Variants in RAF1 observed in about 807,000 individuals in gnomAD.
RAF1 encodes the protein RAF proto-oncogene serine/threonine-protein kinase.
RAF1 carries 27 observed loss-of-function variants against 81.1 expected under a neutral mutation model. The ratio of observed to expected loss-of-function variants is 0.33; its 90% CI spans 0.25 to 0.46. The LOEUF (loss-of-function observed/expected upper bound fraction) is 0.46, where lower values mean the gene tolerates loss of function less well. Among genes scored for constraint, RAF1 ranks in the 20% least tolerant of loss-of-function variants. RAF1 has a pLI of 1.00. For missense variants in RAF1, 598 were observed against 826.0 expected, an observed-to-expected ratio of 0.72 and a Z score of 3.38; for synonymous variants, 298 against 294.0, an observed-to-expected ratio of 1.01 and a Z score of -0.14.
chr3:12,593,903 T>G (rs1463087280), intron 11 of RAF1, among the ~76,000 whole-genome samples: 1 of 150,834 alleles, frequency 6.6e-6, no homozygotes, highest in Non-Finnish European at 1.5e-5. Flanking sequence ...CAGCTGGGAC[T>G]ACAGGTGCCT....
At chr3:12,615,606 A>G (rs2059347144) in intron 2 of RAF1, among the ~76,000 whole-genome samples, 1 of 152,166 alleles carries the variant, frequency 6.6e-6, no homozygotes, top group Non-Finnish European at 1.5e-5. Context: ...GTTCTTCCAC[A>G]GTTAGTTCAT....
chr3:12,607,778 T>G (rs2059082022), intron 5 of RAF1, among the ~76,000 whole-genome samples: 1 of 150,758 alleles, frequency 6.6e-6, no homozygotes, highest in South Asian at 2.1e-4. Context: ...TGGTGAAACC[T>G]CATCTCTACT....
At chr3:12,655,000 A>ACCC (rs35380724) in intron 1 of RAF1, among the ~76,000 whole-genome samples, 1,577 of 127,796 alleles carry the variant, frequency 0.012, 29 homozygotes, top group South Asian at 0.029. Context: ...ACATAGTGAG[A>ACCC]CCCCCCCCCC....
At chr3:12,606,742 A>G (rs920022131) in intron 5 of RAF1, among the ~76,000 whole-genome samples, 2 of 152,044 alleles carry the variant, frequency 1.3e-5, no homozygotes, top group African/African-American at 4.8e-5. Flanking sequence ...TTTAGGGTAC[A>G]TGTGCACAAC....
At chr3:12,629,431 T>C (rs1286947650) in intron 1 of RAF1, among the ~76,000 whole-genome samples, 2 of 152,236 alleles carry the variant, frequency 1.3e-5, no homozygotes, top group Non-Finnish European at 1.5e-5. Flanking sequence ...ACAATAATGA[T>C]ATTAGCTAAT....
At chr3:12,600,043 A>G in intron 10 of RAF1, 109 bp downstream of exon 9, 2 of 1,508,300 alleles carry the variant, frequency 1.3e-6, no homozygotes. Context: ...CCTTCATTGA[A>G]TGTATTTTAT....
intron 5 of RAF1, among the ~76,000 whole-genome samples, chr3:12,606,647 T>G (rs966264691): frequency 6.6e-6 from 1 of 152,076 alleles, no homozygotes; most frequent in Non-Finnish European, 1.5e-5. Flanking sequence ...TTCTCCTGCC[T>G]CAGCCTCCCA....
rs1056765002 is a variant in RAF1 at position 12,628,670 on chromosome 3, A to G, written c.-26-9923T>C. ...GACCTTATTTATCATTCAAATTTCT[A>G]CTTTAAAGTAGAAGATACTTTAATG... is the stretch of plus-strand genomic sequence containing the variant. On this transcript the variant is annotated intron_variant, in intron 1 of 17. Coordinates refer to ENST00000442415, the MANE Select transcript of RAF1 (RefSeq NM_001354689.3). Among the ~76,000 whole-genome samples the G allele has an allele frequency of 4.9e-5, 7 of 144,308 alleles. No individual in the cohort carries two copies. In the South Asian group the frequency reaches 1.5e-3, roughly 31 times the overall value. 94.7% of individuals were successfully genotyped at this position (144,308 alleles called of 152,430 possible).
At chr3:12,633,170 C>A (rs1461439706) in intron 1 of RAF1, among the ~76,000 whole-genome samples, 1 of 151,946 alleles carries the variant, frequency 6.6e-6, no homozygotes, top group East Asian at 1.9e-4. Flanking sequence ...AGGAAACCCT[C>A]GAATATGGAT....
intron 13 of RAF1, chr3:12,590,562 G>A: frequency 3.7e-6 from 2 of 538,352 alleles, no homozygotes; most frequent in Non-Finnish European, 6.7e-6. Flanking sequence ...CTGGCCTCAA[G>A]TGATCCACTG....
chr3:12,630,320 G>A (rs919244429), intron 1 of RAF1, among the ~76,000 whole-genome samples: 4 of 152,040 alleles, frequency 2.6e-5, no homozygotes, highest in Non-Finnish European at 5.9e-5. Flanking sequence ...ACTTATTCAT[G>A]CAATAAACAT....
intron 15 of RAF1, 199 bp downstream of exon 14, chr3:12,585,482 C>T: frequency 6.3e-6 from 6 of 958,814 alleles, no homozygotes; most frequent in Non-Finnish European, 7.4e-6. Flanking sequence ...CTTATTAACT[C>T]CTCTCCACAC....
At chr3:12,587,278 T>A in intron 14 of RAF1, 1 of 403,058 alleles carries the variant, frequency 2.5e-6, no homozygotes. Context: ...CCCCGTCAGG[T>A]TACATTTACT....
chr3:12,640,253 A>G (rs2060144093), intron 1 of RAF1, among the ~76,000 whole-genome samples: 1 of 152,164 alleles, frequency 6.6e-6, no homozygotes, highest in South Asian at 2.1e-4. Context: ...TAGACCTAAA[A>G]CCATAAAAAC....
chr3:12,591,564 G>A, intron 12 of RAF1, 144 bp downstream of exon 11: 1 of 719,734 alleles, frequency 1.4e-6, no homozygotes, highest in Non-Finnish European at 2.5e-6. Context: ...TGCTCTCAAG[G>A]GAGGAGCATC....
rs1300689939 is a variant in RAF1 at position 12,608,921 on chromosome 3, A to G, written c.426T>C (p.Ala142=). The stretch of plus-strand genomic sequence containing the variant: ...AGGCAAGCTTCAGGAACGTCTTCCG[A>G]GCCTACAACAAGAACACAGGTGTAA... The change falls in exon 5 of 18, where the codon GCT becomes GCC. Residue 142 remains alanine, a splice_region_variant and synonymous_variant. Transcript: ENST00000442415. 1 of 1,614,034 alleles carries G rather than the reference A, an allele frequency of 6.2e-7. No individual in the cohort carries two copies. The highest frequency in any genetic ancestry group is 2.2e-5 in the East Asian group (1 of 44,888).
At chr3:12,660,225 G>A (rs1207422552) in intron 1 of RAF1, among the ~76,000 whole-genome samples, 1 of 151,876 alleles carries the variant, frequency 6.6e-6, no homozygotes, top group African/African-American at 2.4e-5. Flanking sequence ...GAAATTACCA[G>A]CTTAATCTGC....
rs1032548226 is a variant in RAF1, at chr3:12,584,212, C to G, written c.*302G>C. On this transcript the variant is annotated 3_prime_UTR_variant, in exon 18 of 18. Coordinates refer to ENST00000442415, the MANE Select transcript of RAF1 (RefSeq NM_001354689.3). ...CATGTAGCCAACAGCTGGGGCTGGG[C>G]CCCTGCTTTTTGTACTACCATCAAC... is the stretch of plus-strand genomic sequence containing the variant. 6.5e-6 allele frequency: 3 copies of G among 461,930 alleles called. No homozygotes were observed. Among genetic ancestry groups the G allele is most frequent in the East Asian group, 3.8e-5 (1 of 26,644 alleles). The allele number at this position is 461,930 out of a possible 1,614,324, so 28.6% of individuals were successfully genotyped here. A position where few individuals can be genotyped will look rare whatever the true frequency, so the allele number is the denominator to read the frequency against.
Position 12,599,677 on chromosome 3 carries a change from G to C in RAF1, c.1168+14C>G, listed in dbSNP as rs776922447. 6.2e-7 allele frequency: 1 copy of C among 1,600,060 alleles called. No individual in the cohort carries two copies. The highest frequency in any genetic ancestry group is 1.3e-5 in the African/African-American group (1 of 74,592). ...AAAGCCCTGCAGTTAGTAAAGGGAG[G>C]GCCCCAAGCTTACCGTGCCATTTAC... On this transcript the variant is annotated intron_variant, in intron 11 of 17. Coordinates refer to ENST00000442415, the MANE Select transcript of RAF1 (RefSeq NM_001354689.3).
Sources: gnomAD v4.1 joint callset for allele counts (sites outside exome capture counted in the v4.1 genomes callset) on GRCh38, gnomAD v4.1.1 for gene constraint, MANE v1.5 for transcripts, NCBI Gene and HGNC (gene_info 2026-07-23, HGNC 2026-07-21) for gene names.